The following C1orf21 variants were observed in gnomAD, a reference collection of about 807,000 sequenced individuals.
The protein encoded by C1orf21 is uncharacterized protein C1orf21.
Under a neutral mutation model 18.7 loss-of-function variants are expected in C1orf21, and 3 were observed. The ratio of observed to expected loss-of-function variants is 0.16; its 90% CI spans 0.07 to 0.42. C1orf21 has a LOEUF of 0.42. C1orf21 is among the 10% of genes least tolerant of loss of function. The pLI, the probability that C1orf21 is intolerant of heterozygous loss-of-function variation, is 0.99. For synonymous variants in C1orf21, 41 were observed against 46.4 expected (o/e 0.88, Z 0.47); for missense variants, 104 against 143.6 (o/e 0.72, Z 1.41).
chr1:184,598,947 A>G (rs1659552655), intron 5 of C1orf21, among the ~76,000 whole-genome samples: 1 of 152,218 alleles, frequency 6.6e-6, no homozygotes, highest in Admixed American at 6.5e-5. Context: ...AAACAGGCTC[A>G]GAATGCTTGA....
At chr1:184,392,224 C>T (rs1008535303) in intron 1 of C1orf21, among the ~76,000 whole-genome samples, 2 of 152,140 alleles carry the variant, frequency 1.3e-5, no homozygotes, top group Non-Finnish European at 2.9e-5. Context: ...TGGCTGCAGC[C>T]GTAGCAGTCA....
At chr1:184,490,694 A>AAAACAG (rs1657804642) in intron 2 of C1orf21, among the ~76,000 whole-genome samples, 1 of 152,228 alleles carries the variant, frequency 6.6e-6, no homozygotes. Flanking sequence ...GAAGATTTAG[A>AAAACAG]AAACAGAAAA....
chr1:184,443,803 G>T (rs1402374471), intron 1 of C1orf21, among the ~76,000 whole-genome samples: 3 of 152,108 alleles, frequency 2.0e-5, no homozygotes, highest in Non-Finnish European at 1.5e-5. Context: ...CTGAAATGGG[G>T]TCATGAGGCA....
chr1:184,403,314 G>T lies in C1orf21; in HGVS notation c.-125+15946G>T, dbSNP rs1656194142. On this transcript the variant is annotated intron_variant, in intron 1 of 5. Coordinates refer to ENST00000235307, the MANE Select transcript of C1orf21 (RefSeq NM_030806.4). ...GGGATGAATTCAAAAGCATAAAGAT[G>T]AGTGGAAAAGCAAAATAGAAGACTA... 2.6e-5 allele frequency among the ~76,000 whole-genome samples: 4 copies of T among 152,290 alleles called. No homozygotes were observed. In the South Asian group the frequency reaches 6.2e-4, roughly 24 times the overall value.
In C1orf21 at chr1:184,571,290, C is replaced by T. The variant is rs1428112818; in HGVS notation, c.190-19449C>T. On this transcript the variant is annotated intron_variant, in intron 3 of 5. Transcript: ENST00000235307. ...CCAGCCTGGGCGACAGAGCGAGACTCCGTCTCAAAAAAAAAAAAAAAAAAA... is the reference window on the plus strand; with the variant it reads ...CCAGCCTGGGCGACAGAGCGAGACTTCGTCTCAAAAAAAAAAAAAAAAAAA... Among the ~76,000 whole-genome samples, 7 of 116,318 alleles carry T rather than the reference C, an allele frequency of 6.0e-5. No homozygotes were observed. The East Asian group carries it at 1.7e-3, about 28-fold the overall frequency. 76.3% of individuals were successfully genotyped at this position (116,318 alleles called of 152,430 possible).
chr1:184,427,607 C>T (rs1656662381), intron 1 of C1orf21, among the ~76,000 whole-genome samples: 1 of 152,122 alleles, frequency 6.6e-6, no homozygotes, highest in South Asian at 2.1e-4. Flanking sequence ...ACCCATCTGT[C>T]AAATGATGTG....
At position 184,454,478 on chromosome 1, in the gene C1orf21, G is replaced by A. The variant is rs145723859; in HGVS notation, c.-124-22908G>A. ...TTTTGAGGTCTTCAATATTGATATG[G>A]TTTGGTTCTGTGTCCCCACCAAATC... On this transcript the variant is annotated intron_variant, in intron 1 of 5. Coordinates refer to ENST00000235307, the MANE Select transcript of C1orf21 (RefSeq NM_030806.4). Among the ~76,000 whole-genome samples, 1,411 of 152,246 alleles carry A rather than the reference G, an allele frequency of 9.3e-3. 6 individuals are homozygous for A. The highest frequency in any genetic ancestry group is 0.015 in the Non-Finnish European group (1,022 of 68,012).
intron 3 of C1orf21, among the ~76,000 whole-genome samples, chr1:184,562,846 A>G (rs1374006667): frequency 1.3e-5 from 2 of 152,196 alleles, no homozygotes; most frequent in Admixed American, 6.5e-5. Context: ...AGAGAAGGAT[A>G]TATATTTGCA....
intron 3 of C1orf21, among the ~76,000 whole-genome samples, chr1:184,559,297 C>A (rs1017831510): frequency 6.6e-6 from 1 of 152,092 alleles, no homozygotes; most frequent in Non-Finnish European, 1.5e-5. Flanking sequence ...CCTGCTCCTG[C>A]TTTCACCACC....
intron 5 of C1orf21, among the ~76,000 whole-genome samples, chr1:184,618,198 C>T (rs751340450): frequency 1.3e-5 from 2 of 152,104 alleles, no homozygotes; most frequent in Non-Finnish European, 2.9e-5. Flanking sequence ...CGTGAGCCAC[C>T]GTGTCCAGCC....
intron 3 of C1orf21, among the ~76,000 whole-genome samples, chr1:184,515,015 T>C (rs1658202998): frequency 6.6e-6 from 1 of 152,194 alleles, no homozygotes; most frequent in East Asian, 1.9e-4. Context: ...CCTAAGAATG[T>C]AAAGACTCAG....
chr1:184,573,404 C>T (rs1037559978), intron 3 of C1orf21, among the ~76,000 whole-genome samples: 2 of 152,260 alleles, frequency 1.3e-5, no homozygotes, highest in African/African-American at 2.4e-5. Flanking sequence ...CATTCCTACG[C>T]GTGATGTTAA....
chr1:184,392,324 C>T (rs1449465010), intron 1 of C1orf21, among the ~76,000 whole-genome samples: 1 of 152,164 alleles, frequency 6.6e-6, no homozygotes, highest in Non-Finnish European at 1.5e-5. Context: ...CCCTCCACCT[C>T]TTGATTTATT....
chr1:184,488,485 G>A (rs1657766046), intron 2 of C1orf21, among the ~76,000 whole-genome samples: 1 of 152,136 alleles, frequency 6.6e-6, no homozygotes, highest in African/African-American at 2.4e-5. Context: ...TGATTGTAAT[G>A]GGATAAATGC....
At chr1:184,500,339 C>T (rs1419828161) in intron 2 of C1orf21, among the ~76,000 whole-genome samples, 3 of 152,074 alleles carry the variant, frequency 2.0e-5, no homozygotes, top group Non-Finnish European at 4.4e-5. Context: ...TGTCTGGCCT[C>T]GGGAATGATG....
chr1:184,568,874 G>A (rs1233114641), intron 3 of C1orf21, among the ~76,000 whole-genome samples: 1 of 152,206 alleles, frequency 6.6e-6, no homozygotes, highest in African/African-American at 2.4e-5. Flanking sequence ...TTACTGAACC[G>A]TGTAGCACAC....
intron 1 of C1orf21, among the ~76,000 whole-genome samples, chr1:184,388,068 GC>G (rs1655914983): frequency 1.3e-5 from 2 of 152,224 alleles, no homozygotes; most frequent in Admixed American, 1.3e-4. Flanking sequence ...CGCCGCGGCT[GC>G]CTTTGGTCTG....
At chr1:184,597,781 A>T (rs946026613) in intron 4 of C1orf21, among the ~76,000 whole-genome samples, 3 of 152,208 alleles carry the variant, frequency 2.0e-5, no homozygotes, top group African/African-American at 4.8e-5. Flanking sequence ...GGCTGTTAAA[A>T]GTCACAGGAC....
chr1:184,606,523 T>A (rs1050561693), intron 5 of C1orf21, among the ~76,000 whole-genome samples: 17 of 152,204 alleles, frequency 1.1e-4, no homozygotes, highest in African/African-American at 4.1e-4. Flanking sequence ...GAGGTGGCAG[T>A]GAGCTGTGAT....
Sources: gnomAD v4.1 joint callset for allele counts (sites outside exome capture counted in the v4.1 genomes callset) on GRCh38, gnomAD v4.1.1 for gene constraint, MANE v1.5 for transcripts, NCBI Gene and HGNC (gene_info 2026-07-23, HGNC 2026-07-21) for gene names.